Variants in VWF observed in about 807,000 individuals in gnomAD.
The protein encoded by VWF is von Willebrand factor.
A neutral mutation model predicts 308.6 loss-of-function variants in VWF; 176 were observed. The ratio of observed to expected loss-of-function variants is 0.57; its 90% CI spans 0.50 to 0.65. VWF has a LOEUF of 0.65. VWF is among the 30% of genes least tolerant of loss of function. VWF has a pLI of 0.00. For missense variants in VWF, 3,146 were observed against 3,648.2 expected (o/e 0.86, Z 3.55); for synonymous variants, 1,385 against 1,443.4 (o/e 0.96, Z 0.92).
chr12:5,983,379 G>C, intron 40 of VWF, 125 bp from the exon 41 acceptor site: 1 of 809,800 alleles, frequency 1.2e-6, no homozygotes, highest in South Asian at 1.5e-5. Flanking sequence ...GATGATGATG[G>C]AGACAGAGAT....
At chr12:6,123,274 G>A in intron 1 of VWF, 78 bp from the exon 2 acceptor site, 3 of 1,501,708 alleles carry the variant, frequency 2.0e-6, no homozygotes, top group East Asian at 2.3e-5. Context: ...ATCAGGGCAT[G>A]CAGTAGCAAA....
intron 6 of VWF, among the ~76,000 whole-genome samples, chr12:6,092,097 C>T (rs1945040983): frequency 6.6e-6 from 1 of 152,088 alleles, no homozygotes; most frequent in Non-Finnish European, 1.5e-5. Flanking sequence ...AGGCAGGGGC[C>T]ACCCTCTTTG....
Position 6,063,111 on chromosome 12 carries a change from A to G in VWF, c.1433-57T>C, listed in dbSNP as rs2136460873. 1.4e-6 allele frequency: 2 copies of G among 1,440,734 alleles called. No individual in the cohort carries two copies. Among genetic ancestry groups the G allele is most frequent in the South Asian group, 2.3e-5 (2 of 86,012 alleles). The allele number at this position is 1,440,734 out of a possible 1,614,324, so 89.2% of individuals were successfully genotyped here. A position where few individuals can be genotyped will look rare whatever the true frequency, so the allele number is the denominator to read the frequency against. Reference sequence around the variant, plus strand: ...GGTGGGGAGAGGACAGGGTGGTGGCAGGCAGATGTATTTGGGAGGAAATGG... The same window carrying G: ...GGTGGGGAGAGGACAGGGTGGTGGCGGGCAGATGTATTTGGGAGGAAATGG... On this transcript the variant is annotated intron_variant, in intron 12 of 51. Coordinates refer to ENST00000261405, the MANE Select transcript of VWF (RefSeq NM_000552.5). This position sits in a 1 kb window ranked among gnomAD's most constrained non-coding sequence, Gnocchi z 4.9.
At chr12:6,105,570 AT>A (rs1350402215) in intron 5 of VWF, among the ~76,000 whole-genome samples, 3 of 152,240 alleles carry the variant, frequency 2.0e-5, no homozygotes, top group Non-Finnish European at 4.4e-5. Context: ...AATTTAAAAA[AT>A]GTTTAAGAAG....
intron 37 of VWF, 69 bp from the exon 38 acceptor site, chr12:5,992,087 C>A: frequency 6.9e-7 from 1 of 1,444,832 alleles, no homozygotes; most frequent in Non-Finnish European, 9.7e-7. Context: ...ACAGCTGATT[C>A]AACATGGTTA....
chr12:5,991,087 T>TTTAC (rs113167376), intron 38 of VWF, among the ~76,000 whole-genome samples: 6,567 of 151,384 alleles, frequency 0.043, 488 homozygotes, highest in African/African-American at 0.15. Context: ...TAGGTCTTAG[T>TTTAC]TTCTTCATAG....
Position 6,052,593 on chromosome 12 carries a change from G to T in VWF, c.2136C>A (p.Asp712Glu). ...VPKAQCPCYY[D>E]GEIFQPEDIF... is the part of the protein sequence containing the mutation. ...TGTCTTCTGGCTGGAAGATCTCACC[G>T]TCATAGTAACAGGGGCACTGGGCCT... The change falls in exon 16 of 52, where the codon GAC becomes GAA. Residue 712 changes from aspartate (D) to glutamate (E), a missense_variant. Coordinates refer to ENST00000261405, the MANE Select transcript of VWF (RefSeq NM_000552.5). The T allele has an allele frequency of 6.2e-7, 1 of 1,614,230 alleles. No individual in the cohort carries two copies. The highest frequency in any genetic ancestry group is 8.5e-7 in the Non-Finnish European group (1 of 1,180,038).
chr12:6,061,857 A>T (rs1944658194), intron 13 of VWF, among the ~76,000 whole-genome samples: 1 of 152,258 alleles, frequency 6.6e-6, no homozygotes, highest in Admixed American at 6.5e-5. Flanking sequence ...ATGACATGCA[A>T]TATTGCAAAA....
At chr12:6,115,322 A>T (rs1945350997) in intron 3 of VWF, among the ~76,000 whole-genome samples, 1 of 152,236 alleles carries the variant, frequency 6.6e-6, no homozygotes, top group Non-Finnish European at 1.5e-5. Context: ...TATAGGCATG[A>T]GTAACTGTGT....
intron 5 of VWF, among the ~76,000 whole-genome samples, chr12:6,101,514 C>A (rs1469334989): frequency 6.6e-6 from 1 of 150,710 alleles, no homozygotes; most frequent in Non-Finnish European, 1.5e-5. Flanking sequence ...CGGTGGCTCA[C>A]GCCTGTAATC....
intron 6 of VWF, among the ~76,000 whole-genome samples, chr12:6,090,230 T>C (rs1945016274): frequency 6.6e-6 from 1 of 152,174 alleles, no homozygotes; most frequent in African/African-American, 2.4e-5. Context: ...GTGCTGGGAT[T>C]ACAGGCGTGA....
At chr12:5,976,379 A>C in intron 42 of VWF, 119 bp from the exon 43 acceptor site, 93 of 1,291,918 alleles carry the variant, frequency 7.2e-5, no homozygotes, top group Non-Finnish European at 9.0e-5. Context: ...ATAAAACCAA[A>C]TGTGGTCTCC....
In VWF at chr12:6,025,962, G is replaced by T; in HGVS notation, c.3052C>A (p.Pro1018Thr). 6.2e-7 allele frequency: 1 copy of T among 1,613,960 alleles called. No individual in the cohort carries two copies. The highest frequency in any genetic ancestry group is 8.5e-7 in the Non-Finnish European group (1 of 1,179,866). Residue 1018 changes from proline to threonine, a missense_variant, in exon 23 of 52, where the codon CCT (proline) becomes ACT (threonine). Pro to Thr is a conservative substitution (Grantham distance 38). Coordinates refer to ENST00000261405, the MANE Select transcript of VWF (RefSeq NM_000552.5). ...TTCCAGGAGTTCCCAAAGTCCACAG[G>T]GTCTTCCTCCACTTGGAGGTTGCTG... ...TSSNLQVEEDPVDFGNSWKVS... is the reference protein window; with the variant it reads ...TSSNLQVEEDTVDFGNSWKVS...
chr12:6,114,155 C>G (rs1319326212), intron 3 of VWF, among the ~76,000 whole-genome samples: 2 of 152,232 alleles, frequency 1.3e-5, no homozygotes, highest in Non-Finnish European at 2.9e-5. Flanking sequence ...CCGTGAGCCC[C>G]TCCTTGGTGT....
At chr12:6,071,931 T>C (rs981336950) in intron 9 of VWF, among the ~76,000 whole-genome samples, 4 of 151,816 alleles carry the variant, frequency 2.6e-5, no homozygotes, top group Non-Finnish European at 4.4e-5. Context: ...CTGGTGTGAG[T>C]TTCCACTGGC....
chr12:6,089,455 C>T (rs1271947665), intron 6 of VWF, among the ~76,000 whole-genome samples: 1 of 152,184 alleles, frequency 6.6e-6, no homozygotes, highest in Admixed American at 6.5e-5. Flanking sequence ...TTAGTAAGGA[C>T]TTTAATGCAC....
chr12:6,087,872 T>A (rs563743629), intron 6 of VWF, among the ~76,000 whole-genome samples: 4 of 152,144 alleles, frequency 2.6e-5, no homozygotes, highest in Non-Finnish European at 4.4e-5. Context: ...CTGCTGCTGC[T>A]GAATGATTCA....
At chr12:5,983,018 C>A in intron 41 of VWF, 132 bp downstream of exon 41, 2 of 922,876 alleles carry the variant, frequency 2.2e-6, no homozygotes, top group South Asian at 2.9e-5. Context: ...TCCAGATGTA[C>A]TCCCAACCCA....
chr12:6,048,385 C>A (rs999200384), intron 16 of VWF, among the ~76,000 whole-genome samples: 1 of 152,058 alleles, frequency 6.6e-6, no homozygotes, highest in Non-Finnish European at 1.5e-5. Flanking sequence ...CCAGGATGAT[C>A]TCGATCTCCT....
Sources: gnomAD v4.1 joint callset for allele counts (sites outside exome capture counted in the v4.1 genomes callset) on GRCh38, gnomAD v4.1.1 for gene constraint, Gnocchi (gnomAD v3.1) non-coding constraint, MANE v1.5 for transcripts, NCBI Gene and HGNC (gene_info 2026-07-23, HGNC 2026-07-21) for gene names.